Variants in GLG1 observed in about 807,000 individuals in gnomAD.
GLG1 encodes the protein golgi glycoprotein 1, also known as Golgi apparatus protein 1.
In GLG1, 38 loss-of-function variants were observed where a neutral mutation model predicts 160.5. The ratio of observed to expected loss-of-function variants is 0.24; its 90% CI spans 0.18 to 0.31. The LOEUF is 0.31. GLG1 is among the 10% of genes least tolerant of loss of function. GLG1 has a pLI of 1.00. For synonymous variants in GLG1, 644 were observed against 543.4 expected (o/e 1.19, Z -2.57); for missense variants, 1,373 against 1,505.2 (o/e 0.91, Z 1.45).
rs138850127 is a variant in GLG1, at chr16:74,508,843, G to C, written c.554C>G (p.Thr185Arg). Residue 185 changes from threonine to arginine, a missense_variant, in exon 3 of 26, where the codon ACA (threonine) becomes AGA (arginine). By Grantham distance (71) the Thr-to-Arg change is moderately conservative. Transcript: ENST00000422840. ...VAREVCKSTITEIKECADEPV... is the reference protein window; with the variant it reads ...VAREVCKSTIREIKECADEPV... ...CAAAATTCTTTGACAACTTACCTCT[G>C]TTATAGTAGATTTGCAAACCTCTCT... The C allele has an allele frequency of 1.8e-5, 25 of 1,396,556 alleles. No individual in the cohort carries two copies. Among genetic ancestry groups the C allele is most frequent in the Non-Finnish European group, 2.5e-5 (25 of 983,232 alleles). 86.5% of individuals were successfully genotyped at this position (1,396,556 alleles called of 1,614,324 possible).
At chr16:74,472,174 AC>A (rs1452570255) in intron 14 of GLG1, among the ~76,000 whole-genome samples, 174 bp downstream of exon 14, 1 of 152,214 alleles carries the variant, frequency 6.6e-6, no homozygotes, top group African/African-American at 2.4e-5. Context: ...TGCTGGGATT[AC>A]AGGTATTGGT....
intron 4 of GLG1, 58 bp from the exon 5 acceptor site, chr16:74,496,702 C>T (rs2016200680): frequency 7.5e-6 from 6 of 796,240 alleles, no homozygotes; most frequent in Non-Finnish European, 1.3e-5. Context: ...TTCAAATAAA[C>T]AACATTTGGC....
At chr16:74,535,180 A>ATTTC (rs1157864906) in intron 1 of GLG1, among the ~76,000 whole-genome samples, 1 of 152,236 alleles carries the variant, frequency 6.6e-6, no homozygotes, top group Non-Finnish European at 1.5e-5. Context: ...TCTGTTATGA[A>ATTTC]GAAAAAATGA....
At chr16:74,542,155 G>C (rs1348539295) in intron 1 of GLG1, among the ~76,000 whole-genome samples, 1 of 149,522 alleles carries the variant, frequency 6.7e-6, no homozygotes, top group Non-Finnish European at 1.5e-5. Context: ...ACCATCTGAT[G>C]ATCTGGTTTG....
intron 10 of GLG1, among the ~76,000 whole-genome samples, chr16:74,481,602 T>A (rs773613901): frequency 1.3e-5 from 2 of 152,230 alleles, no homozygotes; most frequent in Non-Finnish European, 2.9e-5. Flanking sequence ...TCTGTAGTCC[T>A]TTCCAGAGCT....
chr16:74,464,442 G>GC (rs1285739560), intron 19 of GLG1, among the ~76,000 whole-genome samples: 4 of 152,226 alleles, frequency 2.6e-5, no homozygotes, highest in African/African-American at 9.7e-5. Flanking sequence ...TCAGGGATCA[G>GC]CTGTGGACTA....
At chr16:74,528,290 G>A (rs549932098) in intron 2 of GLG1, among the ~76,000 whole-genome samples, 50 of 151,978 alleles carry the variant, frequency 3.3e-4, no homozygotes, top group South Asian at 1.5e-3. Context: ...GGTGAGCCAC[G>A]GTGCCTGGCC....
intron 1 of GLG1, among the ~76,000 whole-genome samples, chr16:74,602,049 T>C (rs761021364): frequency 3.3e-5 from 5 of 152,074 alleles, no homozygotes; most frequent in African/African-American, 9.7e-5. Flanking sequence ...AGTGAGACAA[T>C]AGAGATGGTG....
At chr16:74,492,311 G>A (rs1043427449) in intron 7 of GLG1, among the ~76,000 whole-genome samples, 1 of 150,806 alleles carries the variant, frequency 6.6e-6, no homozygotes, top group Non-Finnish European at 1.5e-5. Context: ...AGGTAGCAGT[G>A]AGCTGAGATT....
chr16:74,476,301 A>G (rs1187577607), intron 12 of GLG1, among the ~76,000 whole-genome samples: 1 of 152,200 alleles, frequency 6.6e-6, no homozygotes, highest in Non-Finnish European at 1.5e-5. Flanking sequence ...GGGATTCCAA[A>G]TCACCATATC....
intron 1 of GLG1, among the ~76,000 whole-genome samples, chr16:74,540,890 T>G (rs1463470414): frequency 6.6e-6 from 1 of 152,228 alleles, no homozygotes; most frequent in African/African-American, 2.4e-5. Context: ...CTCAGCTGCC[T>G]GAATAAAGTC....
chr16:74,496,745 CACA>C (rs2016204422), intron 4 of GLG1, 101 bp from the exon 5 acceptor site: 2 of 740,760 alleles, frequency 2.7e-6, no homozygotes, highest in Non-Finnish European at 4.7e-6. Context: ...CACACACACA[CACA>C]AAGTAATAAA....
At chr16:74,538,901 A>T (rs2017758214) in intron 1 of GLG1, among the ~76,000 whole-genome samples, 1 of 151,494 alleles carries the variant, frequency 6.6e-6, no homozygotes, top group Middle Eastern at 3.4e-3. Context: ...ATGGCAATAA[A>T]GTCAGTCAGA....
intron 1 of GLG1, among the ~76,000 whole-genome samples, chr16:74,533,277 C>T (rs1413144445): frequency 1.3e-5 from 2 of 152,116 alleles, no homozygotes; most frequent in East Asian, 1.9e-4. Context: ...ACCGAGATCG[C>T]ACCACTGCAC....
intron 1 of GLG1, among the ~76,000 whole-genome samples, chr16:74,546,901 C>A (rs1597333942): frequency 6.8e-6 from 1 of 146,082 alleles, no homozygotes; most frequent in African/African-American, 2.5e-5. Context: ...TTTGGACCCA[C>A]CATTTTAATG....
Position 74,606,672 on chromosome 16 carries a change from C to G in GLG1, c.423G>C (p.Leu141=). Residue 141 remains leucine, a synonymous_variant, in exon 1 of 26, where the codon CTG becomes CTC. Transcript: ENST00000422840. Reference sequence around the variant, plus strand: ...ACCTCCTCACCTCCCTCACATCCTGCAGGCACTCGAGCACCGCCAGGTTGT... The same window carrying G: ...ACCTCCTCACCTCCCTCACATCCTGGAGGCACTCGAGCACCGCCAGGTTGT... ...WSNNLAVLEC[L]QDVREPENEI... 6.3e-7 allele frequency: 1 copy of G among 1,582,048 alleles called. No homozygotes were observed. Among genetic ancestry groups the G allele is most frequent in the Non-Finnish European group, 8.6e-7 (1 of 1,160,266 alleles).
At chr16:74,587,955 C>A (rs760151861) in intron 1 of GLG1, among the ~76,000 whole-genome samples, 1 of 152,074 alleles carries the variant, frequency 6.6e-6, no homozygotes, top group Non-Finnish European at 1.5e-5. Context: ...CCAAATCAAA[C>A]GTCTATAGGT....
At chr16:74,461,832 G>A in intron 22 of GLG1, 1 of 322,628 alleles carries the variant, frequency 3.1e-6, no homozygotes. Flanking sequence ...AAGAAGGGAA[G>A]AACAAATTTA....
chr16:74,557,469 C>G (rs2018384718), intron 1 of GLG1, among the ~76,000 whole-genome samples: 2 of 152,174 alleles, frequency 1.3e-5, no homozygotes, highest in Admixed American at 1.3e-4. Context: ...TGGGTGACCA[C>G]TTAGCCCAAG....
Sources: gnomAD v4.1 joint callset for allele counts (sites outside exome capture counted in the v4.1 genomes callset) on GRCh38, gnomAD v4.1.1 for gene constraint, MANE v1.5 for transcripts, NCBI Gene and HGNC (gene_info 2026-07-23, HGNC 2026-07-21) for gene names.